FRMD3: variants seen among roughly 807,000 people sequenced by gnomAD.
FRMD3 encodes the protein FERM domain-containing protein 3.
In FRMD3, 33 loss-of-function variants were observed where a neutral mutation model predicts 70.2. The ratio of observed to expected loss-of-function variants is 0.47; its 90% CI spans 0.36 to 0.63. The LOEUF is 0.63. Ranked by LOEUF, FRMD3 falls within the 20% of genes least tolerant of loss-of-function variation. The pLI is 0.00. For synonymous variants in FRMD3, 279 were observed against 255.9 expected, an observed-to-expected ratio of 1.09 and a Z score of -0.86; for missense variants, 632 against 711.4, an observed-to-expected ratio of 0.89 and a Z score of 1.27.
At chr9:83,440,314 T>C (rs1827258437) in intron 1 of FRMD3, among the ~76,000 whole-genome samples, 1 of 152,230 alleles carries the variant, frequency 6.6e-6, no homozygotes, top group Non-Finnish European at 1.5e-5. Context: ...ATGTAATCAA[T>C]ACATCAGTGA....
At chr9:83,511,302 A>T (rs544454938) in intron 1 of FRMD3, among the ~76,000 whole-genome samples, 4 of 152,332 alleles carry the variant, frequency 2.6e-5, no homozygotes, top group African/African-American at 9.6e-5. Context: ...CCCCAGTAGC[A>T]TAACAGCCAG....
chr9:83,264,536 G>A (rs532018301), intron 13 of FRMD3, among the ~76,000 whole-genome samples: 1 of 152,136 alleles, frequency 6.6e-6, no homozygotes, highest in Non-Finnish European at 1.5e-5. Flanking sequence ...GTTGATGATG[G>A]GGGAGGCTGA....
At chr9:83,337,358 C>T (rs1434233586) in intron 5 of FRMD3, among the ~76,000 whole-genome samples, 1 of 152,114 alleles carries the variant, frequency 6.6e-6, no homozygotes, top group Admixed American at 6.5e-5. Flanking sequence ...TCAGCTGACA[C>T]TAACAAAGGG....
intron 1 of FRMD3, among the ~76,000 whole-genome samples, chr9:83,477,035 G>T (rs910115385): frequency 6.6e-6 from 1 of 152,242 alleles, no homozygotes; most frequent in Middle Eastern, 3.4e-3. Context: ...ATAATCTGAT[G>T]AATAAAACAA....
intron 1 of FRMD3, among the ~76,000 whole-genome samples, chr9:83,455,302 G>C (rs1587870154): frequency 6.6e-6 from 1 of 152,074 alleles, no homozygotes; most frequent in Admixed American, 6.5e-5. Context: ...GATATGGTTT[G>C]GCTGTGTCCC....
chr9:83,398,505 T>G (rs999536030), intron 1 of FRMD3, among the ~76,000 whole-genome samples: 15 of 152,190 alleles, frequency 9.9e-5, no homozygotes, highest in African/African-American at 3.6e-4. Context: ...TATTTTCAAA[T>G]GTATGGAAGA....
At chr9:83,328,948 A>G (rs1194154239) in intron 6 of FRMD3, among the ~76,000 whole-genome samples, 1 of 152,232 alleles carries the variant, frequency 6.6e-6, no homozygotes, top group Non-Finnish European at 1.5e-5. Flanking sequence ...CAGACAATGT[A>G]TTAAGTAATG....
chr9:83,452,489 T>A (rs888662508), intron 1 of FRMD3, among the ~76,000 whole-genome samples: 29 of 152,088 alleles, frequency 1.9e-4, no homozygotes, highest in African/African-American at 5.6e-4. Flanking sequence ...TTTGTTGTTG[T>A]TGTTTTTTTT....
chr9:83,356,988 G>A (rs1046326322), intron 3 of FRMD3, among the ~76,000 whole-genome samples: 1 of 151,160 alleles, frequency 6.6e-6, no homozygotes, highest in Non-Finnish European at 1.5e-5. Context: ...GTGATAACAT[G>A]CGATGTTTGG....
chr9:83,370,424 G>T (rs143423849), intron 3 of FRMD3, among the ~76,000 whole-genome samples: 1 of 152,224 alleles, frequency 6.6e-6, no homozygotes, highest in Non-Finnish European at 1.5e-5. Flanking sequence ...TTTTTGTTCG[G>T]TAATGTCTTT....
intron 1 of FRMD3, among the ~76,000 whole-genome samples, chr9:83,479,430 A>AGG (rs373924795): frequency 2.3e-4 from 28 of 124,226 alleles, no homozygotes; most frequent in African/African-American, 4.4e-4. Flanking sequence ...AAAGGAGGGA[A>AGG]AGAAGGAAGG....
intron 12 of FRMD3, among the ~76,000 whole-genome samples, chr9:83,294,261 C>T (rs1005787498): frequency 2.6e-5 from 4 of 152,206 alleles, no homozygotes; most frequent in African/African-American, 4.8e-5. Context: ...TTGCCAGATG[C>T]TCAATCTGCT....
chr9:83,286,551 C>T (rs896481111), intron 13 of FRMD3, among the ~76,000 whole-genome samples: 3 of 152,092 alleles, frequency 2.0e-5, no homozygotes, highest in Non-Finnish European at 2.9e-5. Context: ...AGGCTAGTCT[C>T]GAACTCCTGA....
chr9:83,316,778 C>T (rs529642157), intron 6 of FRMD3, among the ~76,000 whole-genome samples: 1 of 152,230 alleles, frequency 6.6e-6, no homozygotes, highest in Admixed American at 6.5e-5. Flanking sequence ...AAATTAACAA[C>T]TATATTGACA....
At chr9:83,464,435 G>C (rs1336364943) in intron 1 of FRMD3, among the ~76,000 whole-genome samples, 1 of 152,124 alleles carries the variant, frequency 6.6e-6, no homozygotes, top group African/African-American at 2.4e-5. Context: ...ATTAGATGGT[G>C]GACGATGGTA....
intron 6 of FRMD3, among the ~76,000 whole-genome samples, chr9:83,324,663 C>T (rs1835939731): frequency 6.6e-6 from 1 of 152,150 alleles, no homozygotes; most frequent in African/African-American, 2.4e-5. Context: ...GTACTAAACT[C>T]CACAATTCCA....
chr9:83,498,818 C>T (rs991229098), intron 1 of FRMD3, among the ~76,000 whole-genome samples: 1 of 152,052 alleles, frequency 6.6e-6, no homozygotes, highest in Non-Finnish European at 1.5e-5. Context: ...CAAGACCTTC[C>T]ATCCTCTTTC....
At chr9:83,355,084 C>G (rs10441792) in intron 3 of FRMD3, among the ~76,000 whole-genome samples, 42,447 of 151,934 alleles carry the variant, frequency 0.28, 6,730 homozygotes, top group Non-Finnish European at 0.35. Flanking sequence ...ATGGAAGCCC[C>G]CACTTACTCC....
At chr9:83,548,809 A>G in the FRMD3 span, among the ~76,000 whole-genome samples, 9 of 152,088 alleles carry the variant, frequency 5.9e-5, no homozygotes, top group African/African-American at 1.4e-4. Context: ...AAAATAGGGG[A>G]AACTGAGGAA....
Sources: gnomAD v4.1 joint callset for allele counts (sites outside exome capture counted in the v4.1 genomes callset) on GRCh38, gnomAD v4.1.1 for gene constraint, MANE v1.5 for transcripts, NCBI Gene and HGNC (gene_info 2026-07-23, HGNC 2026-07-21) for gene names.